The following BAZ1A variants were observed in gnomAD, a reference collection of about 807,000 sequenced individuals.
BAZ1A encodes bromodomain adjacent to zinc finger domain 1A.
Under a neutral mutation model 185.2 loss-of-function variants are expected in BAZ1A, and 50 were observed. The observed-to-expected ratio is 0.27, with a 90% CI of 0.22 to 0.34. The LOEUF is 0.34. Ranked by LOEUF, BAZ1A falls within the 10% of genes least tolerant of loss-of-function variation. The pLI, the probability that BAZ1A is intolerant of heterozygous loss-of-function variation, is 1.00. For synonymous variants in BAZ1A, 571 were observed against 615.6 expected (o/e 0.93, Z 1.07); for missense variants, 1,356 against 1,839.9 (o/e 0.74, Z 4.81).
rs376186216 is a variant in BAZ1A at position 34,874,482 on chromosome 14, C to A, written c.113+10G>T. 7.9e-5 allele frequency: 128 copies of A among 1,610,632 alleles called. No individual in the cohort carries two copies. In the African/African-American group the frequency reaches 1.5e-3, roughly 18 times the overall value. On this transcript the variant is annotated intron_variant, in intron 2 of 26. Transcript: ENST00000360310. The surrounding 1 kb of genome is among the most constrained non-coding windows in gnomAD (Gnocchi z 4.7). ...ACCCCCCGCGGCCCCGCACACGGCCCGGCTCTTACTCGTAGTGGCGGAAGA... is the reference window on the plus strand; with the variant it reads ...ACCCCCCGCGGCCCCGCACACGGCCAGGCTCTTACTCGTAGTGGCGGAAGA...
rs60954768 is a variant in BAZ1A, at chr14:34,839,839, C to CAAAAA, written c.393-13688_393-13684dup. ...TGGGCGACAAAGCGAGCCTCTGTTTCAAAAAAAAAAAAAAAAAAGGAAAAA... is the reference window on the plus strand; with the variant it reads ...TGGGCGACAAAGCGAGCCTCTGTTTCAAAAAAAAAAAAAAAAAAAAAAAGGAAAAA... On this transcript the variant is annotated intron_variant, in intron 3 of 26. Transcript: ENST00000360310. Among the ~76,000 whole-genome samples the CAAAAA allele has an allele frequency of 1.0e-3, 109 of 106,670 alleles. 1 individual carries two copies. The highest frequency in any genetic ancestry group is 5.7e-3 in the Middle Eastern group (1 of 174). The allele number at this position is 106,670 out of a possible 152,430, so 70.0% of individuals were successfully genotyped here.
chr14:34,753,518 G>T lies in BAZ1A; in HGVS notation c.4661C>A (p.Ser1554Ter), dbSNP rs373423674. The change falls in exon 27 of 27, where the codon TCA becomes TAA. Residue 1554 changes from serine (S) to a stop codon, truncating the protein, a stop_gained. Coordinates refer to ENST00000360310, the MANE Select transcript of BAZ1A (RefSeq NM_013448.3). LOFTEE classifies it high-confidence loss of function. ...QVSTPPAAKK[S>*]RI Reference sequence around the variant, plus strand: ...TTTAGAAGGACAAAGTCAGATTCGTGACTTTTTCGCAGCCGGTGGTGTGCT... The same window carrying T: ...TTTAGAAGGACAAAGTCAGATTCGTTACTTTTTCGCAGCCGGTGGTGTGCT... 6.2e-7 allele frequency: 1 copy of T among 1,613,944 alleles called. No individual in the cohort carries two copies. Among genetic ancestry groups the T allele is most frequent in the Non-Finnish European group, 8.5e-7 (1 of 1,180,012 alleles).
In BAZ1A at chr14:34,874,441, C is replaced by T. The variant is rs774577521; in HGVS notation, c.113+51G>A. On this transcript the variant is annotated intron_variant, in intron 2 of 26. Coordinates refer to ENST00000360310, the MANE Select transcript of BAZ1A (RefSeq NM_013448.3). This position sits in a 1 kb window ranked among gnomAD's most constrained non-coding sequence, Gnocchi z 4.7. ...AAAGGAGAGAGACAAAAGAGCGCTG[C>T]GGGGGGAGTCCCCACACCCCCCGCG... is the stretch of plus-strand genomic sequence containing the variant. 2 of 1,489,736 alleles carry T rather than the reference C, an allele frequency of 1.3e-6. No homozygotes were observed. The highest frequency in any genetic ancestry group is 2.3e-5 in the East Asian group (1 of 43,174). The allele number at this position is 1,489,736 out of a possible 1,614,324, so 92.3% of individuals were successfully genotyped here.
intron 3 of BAZ1A, among the ~76,000 whole-genome samples, chr14:34,838,862 G>A (rs2042369650): frequency 6.6e-6 from 1 of 151,892 alleles, no homozygotes; most frequent in Admixed American, 6.6e-5. Flanking sequence ...TGAACCTACA[G>A]TAGTCGCAAA....
chr14:34,825,580 C>A (rs2042155171), intron 4 of BAZ1A, among the ~76,000 whole-genome samples: 1 of 149,406 alleles, frequency 6.7e-6, no homozygotes, highest in Admixed American at 6.7e-5. Context: ...CATTGTTGAA[C>A]TAGATTGTTT....
intron 23 of BAZ1A, among the ~76,000 whole-genome samples, chr14:34,762,981 C>T (rs1271847777): frequency 6.6e-6 from 1 of 152,184 alleles, no homozygotes; most frequent in Non-Finnish European, 1.5e-5. Flanking sequence ...ACTGAGATAA[C>T]CTACAGTTTT....
At chr14:34,853,439 A>C (rs1405038141) in intron 3 of BAZ1A, among the ~76,000 whole-genome samples, 2 of 152,222 alleles carry the variant, frequency 1.3e-5, no homozygotes, top group Non-Finnish European at 2.9e-5. Flanking sequence ...GAAAGCATAA[A>C]GTCTTGGTGG....
In BAZ1A at chr14:34,832,452, C is replaced by CA. The variant is rs34242045; in HGVS notation, c.393-6297dup. On this transcript the variant is annotated intron_variant, in intron 3 of 26. Transcript: ENST00000360310. ...GAATATATGAAGAACTCTCACAACTCAAAAAAAAAAAAACCCCAAACCACT... is the reference window on the plus strand; with the variant it reads ...GAATATATGAAGAACTCTCACAACTCAAAAAAAAAAAAAACCCCAAACCACT... 8.1e-3 allele frequency among the ~76,000 whole-genome samples: 1,149 copies of CA among 140,992 alleles called. 13 individuals carry two copies. The highest frequency in any genetic ancestry group is 0.026 in the African/African-American group (1,008 of 38,444). 92.5% of individuals were successfully genotyped at this position (140,992 alleles called of 152,430 possible).
intron 9 of BAZ1A, among the ~76,000 whole-genome samples, chr14:34,797,839 AAAGCAGGGCGGGCCG>A (rs899823517): frequency 2.6e-5 from 4 of 152,124 alleles, no homozygotes; most frequent in African/African-American, 9.7e-5. Context: ...AGGGCGAGCC[AAAGCAGGGCGGGCCG>A]AAGCAGGGCG....
intron 25 of BAZ1A, 32 bp downstream of exon 25, chr14:34,758,672 C>T: frequency 6.2e-7 from 1 of 1,602,826 alleles, no homozygotes; most frequent in African/African-American, 1.3e-5. Flanking sequence ...AGATAATATA[C>T]AGGAATACAT....
intron 2 of BAZ1A, among the ~76,000 whole-genome samples, chr14:34,872,414 C>T (rs1016611314): frequency 6.6e-5 from 10 of 151,916 alleles, no homozygotes; most frequent in African/African-American, 2.4e-4. Context: ...CTGGGCAACA[C>T]GACGAAACCC....
chr14:34,839,487 T>G (rs2042379056), intron 3 of BAZ1A, among the ~76,000 whole-genome samples: 1 of 145,826 alleles, frequency 6.9e-6, no homozygotes, highest in East Asian at 2.0e-4. Flanking sequence ...TGAAGTGAGC[T>G]GAGATCACAT....
At chr14:34,803,497 C>T (rs1881687529) in intron 6 of BAZ1A, among the ~76,000 whole-genome samples, 1 of 151,738 alleles carries the variant, frequency 6.6e-6, no homozygotes, top group Non-Finnish European at 1.5e-5. Context: ...ATTAATTAGC[C>T]TTACCAAAAA....
At chr14:34,771,359 C>G (rs1444553653) in intron 21 of BAZ1A, 152 bp downstream of exon 21, 5 of 746,096 alleles carry the variant, frequency 6.7e-6, no homozygotes, top group Non-Finnish European at 1.1e-5. Flanking sequence ...AAATAAATCT[C>G]ACCTTAAAAG....
intron 17 of BAZ1A, among the ~76,000 whole-genome samples, chr14:34,777,623 G>A (rs1246836327): frequency 7.0e-6 from 1 of 142,226 alleles, no homozygotes; most frequent in Non-Finnish European, 1.5e-5. Context: ...CACCCTGGGG[G>A]ATAGAGTGAG....
At chr14:34,844,665 C>T (rs1191159697) in intron 3 of BAZ1A, among the ~76,000 whole-genome samples, 2 of 151,368 alleles carry the variant, frequency 1.3e-5, no homozygotes, top group African/African-American at 4.9e-5. Flanking sequence ...GCCTAAAGTC[C>T]CAGCCACTGG....
intron 9 of BAZ1A, 33 bp from the exon 10 acceptor site, chr14:34,795,798 G>A (rs1881155703): frequency 1.3e-6 from 2 of 1,523,872 alleles, no homozygotes; most frequent in Middle Eastern, 3.4e-4. Flanking sequence ...AACAATTCAT[G>A]TAAGAAATTT....
chr14:34,855,269 T>C (rs1336314279), intron 3 of BAZ1A, among the ~76,000 whole-genome samples: 1 of 152,178 alleles, frequency 6.6e-6, no homozygotes, highest in East Asian at 1.9e-4. Context: ...GCAGCCATAC[T>C]TCAACCACTC....
chr14:34,814,747 G>C (rs1202856315), intron 4 of BAZ1A, among the ~76,000 whole-genome samples: 3 of 151,736 alleles, frequency 2.0e-5, no homozygotes, highest in Admixed American at 6.6e-5. Flanking sequence ...AAAGTGCTGG[G>C]ATTACAGGTG....
Sources: allele counts gnomAD v4.1 joint callset (sites outside exome capture counted in the v4.1 genomes callset), GRCh38; gene constraint gnomAD v4.1.1; non-coding constraint Gnocchi (gnomAD v3.1); transcripts MANE v1.5; gene names NCBI Gene and HGNC (gene_info 2026-07-23, HGNC 2026-07-21).